SNRNP70: variants seen among roughly 807,000 people sequenced by gnomAD.
SNRNP70 encodes small nuclear ribonucleoprotein U1 subunit 70.
SNRNP70 carries 8 observed loss-of-function variants against 50.5 expected under a neutral mutation model. The observed-to-expected ratio is 0.16, with a 90% CI of 0.09 to 0.29. SNRNP70 has a LOEUF of 0.29. Ranked by LOEUF, SNRNP70 falls within the 10% of genes least tolerant of loss-of-function variation. The pLI is 1.00. For missense variants in SNRNP70, 529 were observed against 663.5 expected (o/e 0.80, Z 2.23); for synonymous variants, 320 against 252.9 (o/e 1.27, Z -2.52).
chr19:49,102,143 T>A, intron 7 of SNRNP70: 2 of 1,289,508 alleles, frequency 1.6e-6, no homozygotes, highest in Non-Finnish European at 2.0e-6. Flanking sequence ...CAGCTGATGC[T>A]TACGCTCCCC....
In SNRNP70 at chr19:49,085,511, C is replaced by T. The variant is rs2122291552; in HGVS notation, c.-136C>T. ...CGGCCTGGTGCGCTCGCTTAGCGGG[C>T]GACGGAATCAGACGGACGTGGACGC... On this transcript the variant is annotated 5_prime_UTR_variant, in exon 1 of 10. Coordinates refer to ENST00000598441, the MANE Select transcript of SNRNP70 (RefSeq NM_003089.6). 2.2e-6 allele frequency: 1 copy of T among 454,704 alleles called. No homozygotes were observed. The highest frequency in any genetic ancestry group is 4.4e-6 in the Non-Finnish European group (1 of 225,976). 28.2% of individuals were successfully genotyped at this position (454,704 alleles called of 1,614,324 possible).
intron 7 of SNRNP70, chr19:49,102,231 CT>C: frequency 8.0e-7 from 1 of 1,256,930 alleles, no homozygotes; most frequent in Non-Finnish European, 1.0e-6. Context: ...ACCAGCCCAG[CT>C]TAGCCAGGCA....
In SNRNP70 at chr19:49,108,465, C is replaced by A; in HGVS notation, c.*22C>A. 1 of 1,574,462 alleles carries A rather than the reference C, an allele frequency of 6.4e-7. No individual in the cohort carries two copies. Among genetic ancestry groups the A allele is most frequent in the East Asian group, 2.4e-5 (1 of 42,286 alleles). On this transcript the variant is annotated 3_prime_UTR_variant, in exon 10 of 10. Coordinates refer to ENST00000598441, the MANE Select transcript of SNRNP70 (RefSeq NM_003089.6). ...GTGAAGAGGTCGTCCTCTCCATCTG[C>A]TGTGTTTGGACGCGTTCCTGCCCAG...
intron 6 of SNRNP70, among the ~76,000 whole-genome samples, chr19:49,100,613 T>C (rs2040570673): frequency 6.6e-6 from 1 of 152,068 alleles, no homozygotes. Flanking sequence ...AAGACCAGCC[T>C]GGCCAACATG....
chr19:49,086,100 T>G (rs933928938), intron 1 of SNRNP70, among the ~76,000 whole-genome samples: 2 of 152,184 alleles, frequency 1.3e-5, no homozygotes, highest in African/African-American at 4.8e-5. Flanking sequence ...CTCGGGTCCT[T>G]GATTTCCCCA....
intron 4 of SNRNP70, among the ~76,000 whole-genome samples, chr19:49,095,975 C>G (rs1322212443): frequency 3.3e-5 from 3 of 91,928 alleles, no homozygotes; most frequent in South Asian, 3.4e-4. Flanking sequence ...TTAGCTGGTG[C>G]AAAAAAAAAA....
At chr19:49,101,269 G>C (rs1193395661) in intron 6 of SNRNP70, 121 bp from the exon 7 acceptor site, 3 of 719,572 alleles carry the variant, frequency 4.2e-6, no homozygotes, top group Non-Finnish European at 7.6e-6. Flanking sequence ...CAGGGCTCTT[G>C]AAGGACAGAG....
chr19:49,087,303 C>T lies in SNRNP70; in HGVS notation c.147+742C>T, dbSNP rs141694990. Reference sequence around the variant, plus strand: ...ACCATTTATCAGCTCTGACTTTGGGCAAATGTTGTATCCTCTTAATGCATT... The same window carrying T: ...ACCATTTATCAGCTCTGACTTTGGGTAAATGTTGTATCCTCTTAATGCATT... On this transcript the variant is annotated intron_variant, in intron 2 of 9. Coordinates refer to ENST00000598441, the MANE Select transcript of SNRNP70 (RefSeq NM_003089.6). Among the ~76,000 whole-genome samples, 4 of 151,850 alleles carry T rather than the reference C, an allele frequency of 2.6e-5. No individual in the cohort carries two copies. The East Asian group carries it at 7.7e-4, about 29-fold the overall frequency.
intron 6 of SNRNP70, among the ~76,000 whole-genome samples, chr19:49,100,552 A>G (rs2122365158): frequency 6.6e-6 from 1 of 152,258 alleles, no homozygotes; most frequent in African/African-American, 2.4e-5. Flanking sequence ...CACGCCCGTA[A>G]TCCCAGCACT....
intron 8 of SNRNP70, among the ~76,000 whole-genome samples, chr19:49,106,687 A>C (rs1029942188): frequency 6.6e-6 from 1 of 152,218 alleles, no homozygotes; most frequent in Non-Finnish European, 1.5e-5. Flanking sequence ...GTGACAGCCC[A>C]GTTCTGCACC....
rs893987075 is a variant in SNRNP70 at position 49,085,479 on chromosome 19, T to C, written c.-168T>C. ...CGCTATCGGAGGCCGCGCGGGTGGC[T>C]GAGCAGCGGCCTGGTGCGCTCGCTT... is the stretch of plus-strand genomic sequence containing the variant. On this transcript the variant is annotated 5_prime_UTR_variant, in exon 1 of 10. Transcript: ENST00000598441. 2.9e-5 allele frequency: 13 copies of C among 442,216 alleles called. No homozygotes were observed. The highest frequency in any genetic ancestry group is 3.3e-4 in the Middle Eastern group (1 of 3,038). The allele number at this position is 442,216 out of a possible 1,614,324, so 27.4% of individuals were successfully genotyped here. A position where few individuals can be genotyped will look rare whatever the true frequency, so the allele number is the denominator to read the frequency against.
At chr19:49,098,806 C>G in intron 6 of SNRNP70, 102 bp downstream of exon 6, 2 of 915,962 alleles carry the variant, frequency 2.2e-6, no homozygotes, top group Non-Finnish European at 3.6e-6. Flanking sequence ...ATGGCTCACA[C>G]CATTTCAGGG....
At position 49,090,781 on chromosome 19, in the gene SNRNP70, C is replaced by T. The variant is rs1937452372; in HGVS notation, c.265+261C>T. ...CCTGCATGGGAGGACAGTTAAGGGG[C>T]TCCCACAACCCAGCTGGGTGTCACA... On this transcript the variant is annotated intron_variant, in intron 4 of 9. Transcript: ENST00000598441. 9 of 544,244 alleles carry T rather than the reference C, an allele frequency of 1.7e-5. No individual in the cohort carries two copies. In the South Asian group the frequency reaches 2.0e-4, roughly 12 times the overall value. The allele number at this position is 544,244 out of a possible 1,614,324, so 33.7% of individuals were successfully genotyped here.
chr19:49,095,652 C>G (rs1348125145), intron 4 of SNRNP70, among the ~76,000 whole-genome samples: 1 of 150,636 alleles, frequency 6.6e-6, no homozygotes, highest in Non-Finnish European at 1.5e-5. Flanking sequence ...ATTCTCTTGT[C>G]TTAGTCTCCT....
Position 49,108,168 on chromosome 19 carries a change from G to A in SNRNP70, c.1039G>A (p.Gly347Ser), listed in dbSNP as rs1179239736. The stretch of plus-strand genomic sequence containing the variant: ...CGGCCCTGACGGTCCAGAGGAAAAG[G>A]GCCGGGATCGTGACCGGGAGCGACG... ...PDGPDGPEEK[G>S]RDRDRERRRS... Residue 347 changes from glycine to serine, a missense_variant, in exon 10 of 10, where the codon GGC (glycine) becomes AGC (serine). Coordinates refer to ENST00000598441, the MANE Select transcript of SNRNP70 (RefSeq NM_003089.6). 1.3e-6 allele frequency: 2 copies of A among 1,542,050 alleles called. No homozygotes were observed. Among genetic ancestry groups the A allele is most frequent in the Non-Finnish European group, 1.7e-6 (2 of 1,143,522 alleles).
At position 49,107,866 on chromosome 19, in the gene SNRNP70, G is replaced by GGGAGCGAGACAA; in HGVS notation, c.747_758dup (p.Asp249_Arg252dup). ...GAGCGGGAGCGCAGAGAGCGGAGCC[G>GGGAGCGAGACAA]GGAGCGAGACAAGGAGCGAGAACGG... On this transcript the variant is annotated inframe_insertion, in exon 10 of 10. Coordinates refer to ENST00000598441, the MANE Select transcript of SNRNP70 (RefSeq NM_003089.6). The surrounding 1 kb of genome is among the most constrained non-coding windows in gnomAD (Gnocchi z 6.0). 6.4e-7 allele frequency: 1 copy of GGGAGCGAGACAA among 1,558,606 alleles called. No individual in the cohort carries two copies. The highest frequency in any genetic ancestry group is 1.4e-5 in the African/African-American group (1 of 73,496).
chr19:49,099,182 C>T (rs1009028866), intron 6 of SNRNP70, among the ~76,000 whole-genome samples: 7 of 152,192 alleles, frequency 4.6e-5, no homozygotes, highest in South Asian at 2.1e-4. Context: ...ACATGGGAGA[C>T]GCATGCCTTC....
chr19:49,086,528 T>C lies in SNRNP70; in HGVS notation c.114T>C (p.Tyr38=), dbSNP rs761161455. 3.8e-5 allele frequency: 61 copies of C among 1,613,936 alleles called. No homozygotes were observed. In the Middle Eastern group the frequency reaches 4.9e-4, roughly 13 times the overall value. ...LPHEKHHNQP[Y]CGIAPYIREF... ...ATGAAAAACACCACAATCAACCTTA[T>C]TGTGGCATTGCGCCGTACATTCGAG... Residue 38 remains tyrosine, a synonymous_variant, in exon 2 of 10, where the codon TAT becomes TAC. Coordinates refer to ENST00000598441, the MANE Select transcript of SNRNP70 (RefSeq NM_003089.6).
chr19:49,090,944 C>T (rs977441166), intron 4 of SNRNP70, among the ~76,000 whole-genome samples: 1 of 152,106 alleles, frequency 6.6e-6, no homozygotes, highest in African/African-American at 2.4e-5. Context: ...TTGCCATTAA[C>T]CAAACTCATA....
Sources: gnomAD v4.1 joint callset for allele counts (sites outside exome capture counted in the v4.1 genomes callset) on GRCh38, gnomAD v4.1.1 for gene constraint, Gnocchi (gnomAD v3.1) non-coding constraint, MANE v1.5 for transcripts, NCBI Gene and HGNC (gene_info 2026-07-23, HGNC 2026-07-21) for gene names.